The following PPP2R1B variants were observed in gnomAD, a reference collection of about 807,000 sequenced individuals.
PPP2R1B encodes the protein protein phosphatase 2 scaffold subunit Abeta.
A neutral mutation model predicts 72.7 loss-of-function variants in PPP2R1B; 58 were observed. That is an observed-to-expected ratio of 0.80 (90% CI 0.65 to 0.99). The LOEUF is 0.99. Ranked by LOEUF, PPP2R1B falls within the 50% of genes least tolerant of loss-of-function variation. The probability of loss-of-function intolerance (pLI) is 0.00; values close to 1 mark genes in which losing one functional copy is unlikely to be tolerated. For synonymous variants in PPP2R1B, 256 were observed against 264.6 expected, an observed-to-expected ratio of 0.97 and a Z score of 0.32; for missense variants, 695 against 733.6, an observed-to-expected ratio of 0.95 and a Z score of 0.61.
At chr11:111,754,388 C>T (rs1048071718) in intron 8 of PPP2R1B, 111 bp downstream of exon 8, 1 of 1,390,086 alleles carries the variant, frequency 7.2e-7, no homozygotes, top group African/African-American at 1.5e-5. Flanking sequence ...CATTCATTCC[C>T]TGTCAACCTT....
downstream of PPP2R1B, chr11:111,723,670 G>A (rs374009273): frequency 5.6e-6 from 9 of 1,613,650 alleles, no homozygotes; most frequent in African/African-American, 4.0e-5. Context: ...CCCAGCCCCT[G>A]AGCCCCGTCC....
intron 10 of PPP2R1B, among the ~76,000 whole-genome samples, chr11:111,750,529 G>T (rs1555047536): frequency 6.6e-6 from 1 of 152,082 alleles, no homozygotes; most frequent in African/African-American, 2.4e-5. Flanking sequence ...CTATGGTAGG[G>T]ACTGGAAATA....
the PPP2R1B span, chr11:111,703,130 C>T: frequency 7.3e-7 from 1 of 1,379,130 alleles, no homozygotes; most frequent in Non-Finnish European, 1.0e-6. Context: ...TGTACAAAGT[C>T]ACATGAGTCA....
the PPP2R1B span, among the ~76,000 whole-genome samples, chr11:111,706,815 C>T: frequency 6.6e-6 from 1 of 151,770 alleles, no homozygotes; most frequent in Admixed American, 6.6e-5. Context: ...CAAAAATTAG[C>T]CGAGTGTGGC....
At chr11:111,711,420 C>T in the PPP2R1B span, among the ~76,000 whole-genome samples, 1 of 152,212 alleles carries the variant, frequency 6.6e-6, no homozygotes, top group African/African-American at 2.4e-5. Context: ...CGCGCCTGGC[C>T]TTAAATGATT....
At chr11:111,717,317 CAAAAAAAAAAAAA>C in the PPP2R1B span, among the ~76,000 whole-genome samples, 4 of 49,464 alleles carry the variant, frequency 8.1e-5, no homozygotes, top group Non-Finnish European at 1.1e-4. Context: ...GACTCCGTCT[CAAAAAAAAAAAAA>C]AAAAAAAAAA....
At chr11:111,723,455 G>C (rs780750603), downstream of PPP2R1B, 2 of 1,543,082 alleles carry the variant, frequency 1.3e-6, no homozygotes, top group Non-Finnish European at 1.7e-6. Flanking sequence ...GCCATCACTT[G>C]AGAAGATTTA....
downstream of PPP2R1B, chr11:111,725,461 T>A (rs1943936130): frequency 6.6e-6 from 1 of 152,504 alleles, no homozygotes; most frequent in Non-Finnish European, 1.5e-5. Context: ...TAAGTAAAAA[T>A]TAGATGCTAC....
the PPP2R1B span, among the ~76,000 whole-genome samples, chr11:111,691,584 G>T: frequency 6.6e-6 from 1 of 152,090 alleles, no homozygotes. Context: ...TCTTCCTAAA[G>T]GGGTACTCAC....
At chr11:111,743,572 T>A (rs779869419) in intron 11 of PPP2R1B, 42 bp from the exon 12 acceptor site, 2 of 1,572,644 alleles carry the variant, frequency 1.3e-6, no homozygotes, top group African/African-American at 2.8e-5. Context: ...TCGCTTATTG[T>A]TTTTTAAGCA....
chr11:111,753,623 AAC>A lies in PPP2R1B; in HGVS notation c.1030-48_1030-47del, dbSNP rs1944996577. 19 of 1,553,048 alleles carry A rather than the reference AAC, an allele frequency of 1.2e-5. No individual in the cohort carries two copies. The South Asian group carries it at 2.1e-4, about 17-fold the overall frequency. The stretch of plus-strand genomic sequence containing the variant: ...AAAGCCTTTATTACAAGACAACAGA[AAC>A]TTCCATACCATTATTCTGGGAAACA... On this transcript the variant is annotated intron_variant, in intron 8 of 14. Coordinates refer to ENST00000527614, the MANE Select transcript of PPP2R1B (RefSeq NM_002716.5).
At chr11:111,719,475 A>G in the PPP2R1B span, among the ~76,000 whole-genome samples, 2 of 151,292 alleles carry the variant, frequency 1.3e-5, no homozygotes, top group Non-Finnish European at 1.5e-5. Context: ...CCTCAAACTA[A>G]TATACCCCTG....
chr11:111,765,192 C>T, intron 2 of PPP2R1B, 102 bp downstream of exon 2: 1 of 1,231,800 alleles, frequency 8.1e-7, no homozygotes, highest in Admixed American at 2.1e-5. Context: ...CAAAAAACAC[C>T]TGGCTCATTT....
rs56811580 is a variant in PPP2R1B at position 111,738,882 on chromosome 11, TTGTGTGTGTGTGTGTGTGTGTG to T, written c.*2692_*2713del. On this transcript the variant is annotated 3_prime_UTR_variant, in exon 15 of 15. Transcript: ENST00000527614. ...ATTTTTATTGGCATAGGTTATATGT[TTGTGTGTGTGTGTGTGTGTGTG>T]TGTGTGTGTGTGTGTGTGTGTCTGC... The T allele has an allele frequency of 8.5e-6, 8 of 936,598 alleles. No homozygotes were observed. The Admixed American group carries it at 2.0e-4, about 23-fold the overall frequency. 58.0% of individuals were successfully genotyped at this position (936,598 alleles called of 1,614,324 possible).
chr11:111,712,596 G>A, the PPP2R1B span, among the ~76,000 whole-genome samples: 4 of 152,166 alleles, frequency 2.6e-5, no homozygotes, highest in Admixed American at 2.0e-4. Flanking sequence ...GTCAGACCTC[G>A]TGGACTTCTG....
At chr11:111,717,763 T>C in the PPP2R1B span, among the ~76,000 whole-genome samples, 28 of 152,112 alleles carry the variant, frequency 1.8e-4, no homozygotes, top group Non-Finnish European at 1.3e-4. Flanking sequence ...CATGCATACA[T>C]AGAAAGGAAT....
At chr11:111,741,873 A>G in intron 14 of PPP2R1B, 180 bp downstream of exon 14, 1 of 738,622 alleles carries the variant, frequency 1.4e-6, no homozygotes, top group South Asian at 1.6e-5. Context: ...CTGCTCACTT[A>G]TGAGAAAATG....
chr11:111,707,269 G>A, the PPP2R1B span, among the ~76,000 whole-genome samples: 1 of 152,156 alleles, frequency 6.6e-6, no homozygotes, highest in Admixed American at 6.5e-5. Flanking sequence ...GTGGTGAGGG[G>A]TTATATAAAC....
In PPP2R1B at chr11:111,755,467, T is replaced by G. The variant is rs1945072436; in HGVS notation, c.688-17A>C. 1 of 1,588,638 alleles carries G rather than the reference T, an allele frequency of 6.3e-7. No individual in the cohort carries two copies. The highest frequency in any genetic ancestry group is 8.5e-7 in the Non-Finnish European group (1 of 1,171,784). On this transcript the variant is annotated splice_polypyrimidine_tract_variant and intron_variant, in intron 5 of 14. Coordinates refer to ENST00000527614, the MANE Select transcript of PPP2R1B (RefSeq NM_002716.5). Reference sequence around the variant, plus strand: ...CACTGAATCCTAAAGGAACAAAATTTCTGTAATTCAGACATTTACTGAGAC... The same window carrying G: ...CACTGAATCCTAAAGGAACAAAATTGCTGTAATTCAGACATTTACTGAGAC...
Sources: gnomAD v4.1 joint callset for allele counts (sites outside exome capture counted in the v4.1 genomes callset) on GRCh38, gnomAD v4.1.1 for gene constraint, MANE v1.5 for transcripts, NCBI Gene and HGNC (gene_info 2026-07-23, HGNC 2026-07-21) for gene names.